Variants in IGF2R observed in about 807,000 individuals in gnomAD.
The protein encoded by IGF2R is cation-independent mannose-6-phosphate receptor.
Under a neutral mutation model 270.6 loss-of-function variants are expected in IGF2R, and 91 were observed. The observed-to-expected ratio is 0.34, with a 90% CI of 0.28 to 0.40. The LOEUF (loss-of-function observed/expected upper bound fraction) is 0.40. Ranked by LOEUF, IGF2R falls within the 10% of genes least tolerant of loss-of-function variation. The probability of loss-of-function intolerance (pLI) is 1.00; values close to 1 mark genes in which losing one functional copy is unlikely to be tolerated. For missense variants in IGF2R, 2,805 were observed against 3,188.3 expected (o/e 0.88, Z 2.90); for synonymous variants, 1,316 against 1,258.9 (o/e 1.05, Z -0.96).
rs766542129 is a variant in IGF2R, at chr6:160,056,425, A to G, written c.2696A>G (p.Asn899Ser). 1.9e-6 allele frequency: 3 copies of G among 1,611,528 alleles called. No individual in the cohort carries two copies. The highest frequency in any genetic ancestry group is 2.5e-6 in the Non-Finnish European group (3 of 1,177,614). Residue 899 changes from asparagine (N) to serine (S), a missense_variant and splice_region_variant, in exon 20 of 48, where the codon AAC becomes AGC. Around this residue, in one of 2 missense-constraint regions of IGF2R, gnomAD observed 1,851 missense variants for 2,207.2 expected, o/e 0.84. Coordinates refer to ENST00000356956, the MANE Select transcript of IGF2R (RefSeq NM_000876.4). ...IHLVCSRGRLNSHPIFSLNWE... is the reference protein window; with the variant it reads ...IHLVCSRGRLSSHPIFSLNWE... The stretch of plus-strand genomic sequence containing the variant: ...TTTACCCTGGATTTGCCCATTCAGA[A>G]CAGCCACCCCATCTTTTCTCTCAAC...
Position 160,069,981 on chromosome 6 carries a change from G to A in IGF2R, c.4366G>A (p.Val1456Ile), listed in dbSNP as rs1315578100. 2.5e-6 allele frequency: 4 copies of A among 1,614,216 alleles called. No homozygotes were observed. Among genetic ancestry groups the A allele is most frequent in the Non-Finnish European group, 3.4e-6 (4 of 1,180,044 alleles). Residue 1456 changes from valine (V) to isoleucine (I), a missense_variant, in exon 31 of 48, where the codon GTT (valine) becomes ATT (isoleucine). Coordinates refer to ENST00000356956, the MANE Select transcript of IGF2R (RefSeq NM_000876.4). ...AGATGGCATAATTGTCCTGAAATAC[G>A]TTGATGGCGACTTATGTCCAGATGG... is the stretch of plus-strand genomic sequence containing the variant. ...WRDGIIVLKYVDGDLCPDGIR... is the reference protein window; with the variant it reads ...WRDGIIVLKYIDGDLCPDGIR...
chr6:160,082,590 G>T (rs9457825), intron 39 of IGF2R, among the ~76,000 whole-genome samples: 1 of 151,698 alleles, frequency 6.6e-6, no homozygotes. Flanking sequence ...GATTACAGGC[G>T]TGAGCCACCG....
intron 44 of IGF2R, chr6:160,093,481 C>T (rs1779276987): frequency 1.9e-6 from 1 of 520,882 alleles, no homozygotes; most frequent in Non-Finnish European, 3.6e-6. Context: ...AAGAAGGAGA[C>T]TGGCTTTTCC....
At chr6:160,079,440 C>T (rs768089845) in intron 37 of IGF2R, 140 bp from the exon 38 acceptor site, 26 of 523,424 alleles carry the variant, frequency 5.0e-5, no homozygotes, top group Non-Finnish European at 7.5e-5. Context: ...AAGGCGATTG[C>T]GTGGCTCTGA....
chr6:160,098,427 G>T (rs1779412243), intron 45 of IGF2R, among the ~76,000 whole-genome samples: 1 of 152,180 alleles, frequency 6.6e-6, no homozygotes, highest in Non-Finnish European at 1.5e-5. Flanking sequence ...AACTCAGATG[G>T]TGGATTTTGA....
intron 31 of IGF2R, 63 bp downstream of exon 31, chr6:160,070,121 C>A: frequency 2.0e-6 from 3 of 1,491,478 alleles, no homozygotes; most frequent in South Asian, 1.2e-5. Flanking sequence ...ATGTGCAGGG[C>A]GGTGAGCCGC....
intron 4 of IGF2R, among the ~76,000 whole-genome samples, chr6:160,021,605 TA>T (rs1190837402): frequency 1.1e-4 from 15 of 136,780 alleles, no homozygotes; most frequent in East Asian, 4.1e-4. Flanking sequence ...ATAATAAAAT[TA>T]AAAAAAAAAG....
intron 20 of IGF2R, among the ~76,000 whole-genome samples, chr6:160,056,745 C>T (rs1778325669): frequency 2.0e-5 from 3 of 152,236 alleles, no homozygotes; most frequent in Admixed American, 2.0e-4. Flanking sequence ...ACTCTCTGCT[C>T]ACTGTAGTTT....
chr6:159,990,518 A>G (rs867106200), intron 1 of IGF2R, among the ~76,000 whole-genome samples: 2 of 152,226 alleles, frequency 1.3e-5, no homozygotes, highest in African/African-American at 4.8e-5. Context: ...GAGTCAATTA[A>G]ACCTCTTTCC....
intron 29 of IGF2R, among the ~76,000 whole-genome samples, chr6:160,065,601 T>C (rs1288477295): frequency 6.6e-6 from 1 of 152,044 alleles, no homozygotes; most frequent in African/African-American, 2.4e-5. Context: ...AATATTTTCA[T>C]GTGAAACAAA....
intron 39 of IGF2R, among the ~76,000 whole-genome samples, chr6:160,081,868 A>G (rs542802577): frequency 8.4e-4 from 128 of 152,322 alleles, no homozygotes; most frequent in Admixed American, 2.7e-3. Flanking sequence ...CTTGAAAATC[A>G]CTGTTATCCT....
intron 2 of IGF2R, among the ~76,000 whole-genome samples, chr6:159,997,256 C>G (rs1784066897): frequency 6.6e-6 from 1 of 152,146 alleles, no homozygotes; most frequent in East Asian, 1.9e-4. Context: ...GAGGGTAGAT[C>G]TCTGGGAACC....
In IGF2R at chr6:160,045,786, G is replaced by T. The variant is rs779871119; in HGVS notation, c.1807G>T (p.Gly603Cys). The T allele has an allele frequency of 6.2e-7, 1 of 1,614,154 alleles. No homozygotes were observed. Among genetic ancestry groups the T allele is most frequent in the South Asian group, 1.1e-5 (1 of 91,082 alleles). ...ACCAGTGTTGAGAACTTCTGGGGAA[G>T]GCGGTTGCTTTTATGAGTTTGAGTG... is the stretch of plus-strand genomic sequence containing the variant. ...SAPVLRTSGEGGCFYEFEWHT... is the reference protein window; with the variant it reads ...SAPVLRTSGECGCFYEFEWHT... The change falls in exon 14 of 48, where the codon GGC becomes TGC. Residue 603 changes from glycine to cysteine, a missense_variant. This residue lies in a region of IGF2R where 954 missense variants were observed against 981.1 expected (regional missense o/e 0.97). Coordinates refer to ENST00000356956, the MANE Select transcript of IGF2R (RefSeq NM_000876.4).
intron 29 of IGF2R, among the ~76,000 whole-genome samples, chr6:160,065,425 C>G (rs984416497): frequency 4.6e-5 from 7 of 152,162 alleles, no homozygotes; most frequent in Non-Finnish European, 1.0e-4. Flanking sequence ...GCAGGTGATT[C>G]TGTTTCCTTC....
At position 160,097,057 on chromosome 6, in the gene IGF2R, A is replaced by C. The variant is rs1779377707; in HGVS notation, c.6842+432A>C. Among the ~76,000 whole-genome samples, 2 of 152,134 alleles carry C rather than the reference A, an allele frequency of 1.3e-5. 1 individual carries two copies. Among genetic ancestry groups the C allele is most frequent in the South Asian group, 4.1e-4 (2 of 4,830 alleles). On this transcript the variant is annotated intron_variant, in intron 45 of 47. Coordinates refer to ENST00000356956, the MANE Select transcript of IGF2R (RefSeq NM_000876.4). ...ACAAATGATTGTTTGGTAAAGTTTC[A>C]CTTTGATTTGAGTGCAGTATTTTTA...
At chr6:160,098,323 A>C (rs1345955085) in intron 45 of IGF2R, among the ~76,000 whole-genome samples, 1 of 152,206 alleles carries the variant, frequency 6.6e-6, no homozygotes, top group Non-Finnish European at 1.5e-5. Context: ...GATGTTCAGA[A>C]CATCAGGATT....
At chr6:160,093,502 TCA>T in intron 44 of IGF2R, 1 of 564,018 alleles carries the variant, frequency 1.8e-6, no homozygotes, top group Non-Finnish European at 3.3e-6. Context: ...CACAGTCAAA[TCA>T]CACGTCTGTA....
chr6:160,048,510 A>T lies in IGF2R; in HGVS notation c.2481A>T (p.Ala827=). 5 of 1,614,010 alleles carry T rather than the reference A, an allele frequency of 3.1e-6. No homozygotes were observed. The highest frequency in any genetic ancestry group is 4.2e-6 in the Non-Finnish European group (5 of 1,179,990). ...LNPVPGCNRY[A]SACQMKYEKD... is the part of the protein sequence containing the mutation. ...CAGTGCCGGGCTGCAACCGATATGCATCGGCTTGCCAGATGAAGTATGAAA... is the reference window on the plus strand; with the variant it reads ...CAGTGCCGGGCTGCAACCGATATGCTTCGGCTTGCCAGATGAAGTATGAAA... The change falls in exon 18 of 48, where the codon GCA becomes GCT. Residue 827 remains alanine, a synonymous_variant. Coordinates refer to ENST00000356956, the MANE Select transcript of IGF2R (RefSeq NM_000876.4).
rs1298066969 is a variant in IGF2R at position 160,063,420 on chromosome 6, A to G, written c.3676A>G (p.Asn1226Asp). ...ACPVVRVEGD[N>D]CEVKDPRHGN... ...CTTCTTCCATGTTCTTGAAGGGGACAACTGTGAGGTGAAAGACCCAAGGCA... is the reference window on the plus strand; with the variant it reads ...CTTCTTCCATGTTCTTGAAGGGGACGACTGTGAGGTGAAAGACCCAAGGCA... The change falls in exon 27 of 48, where the codon AAC (asparagine) becomes GAC (aspartate). Residue 1226 changes from asparagine (N) to aspartate (D), a missense_variant. This residue lies in a region of IGF2R where 1,851 missense variants were observed against 2,207.2 expected (regional missense o/e 0.84). Coordinates refer to ENST00000356956, the MANE Select transcript of IGF2R (RefSeq NM_000876.4). The G allele has an allele frequency of 2.5e-6, 4 of 1,611,868 alleles. No individual in the cohort carries two copies. Among genetic ancestry groups the G allele is most frequent in the African/African-American group, 1.3e-5 (1 of 74,984 alleles).
Sources: allele counts gnomAD v4.1 joint callset (sites outside exome capture counted in the v4.1 genomes callset), GRCh38; gene constraint gnomAD v4.1.1; regional missense constraint gnomAD v4.1.1; transcripts MANE v1.5; gene names NCBI Gene and HGNC (gene_info 2026-07-23, HGNC 2026-07-21).